CSMD1: variants seen among roughly 807,000 people sequenced by gnomAD.
The protein encoded by CSMD1 is CUB and Sushi multiple domains 1.
A neutral mutation model predicts 417.5 loss-of-function variants in CSMD1; 213 were observed. The observed-to-expected ratio is 0.51, with a 90% CI of 0.46 to 0.57. The LOEUF (loss-of-function observed/expected upper bound fraction) is 0.57, where lower values mean the gene tolerates loss of function less well. CSMD1 is among the 20% of genes least tolerant of loss of function. The pLI is 0.00. For synonymous variants in CSMD1, 2,862 were observed against 1,736.8 expected (o/e 1.65, Z -16.11); for missense variants, 6,923 against 4,529.7 (o/e 1.53, Z -15.17).
chr8:4,821,300 T>C (rs926336016), intron 1 of CSMD1, among the ~76,000 whole-genome samples: 6 of 152,186 alleles, frequency 3.9e-5, no homozygotes, highest in Non-Finnish European at 7.4e-5. Flanking sequence ...CATGTGCCAG[T>C]ATAATCCAAT....
intron 23 of CSMD1, among the ~76,000 whole-genome samples, chr8:3,322,745 C>T (rs566132351): frequency 1.3e-5 from 2 of 152,336 alleles, no homozygotes; most frequent in East Asian, 3.9e-4. Flanking sequence ...CAGGGCATAT[C>T]ACGAGTACCC....
chr8:3,206,688 G>T (rs1563142475), intron 30 of CSMD1, among the ~76,000 whole-genome samples: 1 of 149,692 alleles, frequency 6.7e-6, no homozygotes, highest in Non-Finnish European at 1.5e-5. Context: ...GTGTGTATAT[G>T]TGTGTGTGGG....
chr8:4,257,918 C>A (rs1246971688), intron 3 of CSMD1, among the ~76,000 whole-genome samples: 1 of 152,196 alleles, frequency 6.6e-6, no homozygotes, highest in East Asian at 1.9e-4. Context: ...ACAACCACCA[C>A]TTTAAAAATA....
chr8:4,798,442 G>A (rs144735678), intron 1 of CSMD1, among the ~76,000 whole-genome samples: 1 of 152,096 alleles, frequency 6.6e-6, no homozygotes, highest in Non-Finnish European at 1.5e-5. Flanking sequence ...TTTTTAAAAA[G>A]GAGATGAGAT....
rs191298765 is a variant in CSMD1, at chr8:3,111,029, G to C, written c.6431-694C>G. ...CACTAATGGAATAACCTGAAATATA[G>C]TCTTTAATTTAAATATTCATATAGT... On this transcript the variant is annotated intron_variant, in intron 42 of 69. Coordinates refer to ENST00000635120, the MANE Select transcript of CSMD1 (RefSeq NM_033225.6). Among the ~76,000 whole-genome samples, 247 of 152,202 alleles carry C rather than the reference G, an allele frequency of 1.6e-3. 1 individual carries two copies. Among genetic ancestry groups the C allele is most frequent in the African/African-American group, 5.7e-3 (237 of 41,536 alleles).
At chr8:4,757,300 C>G (rs1463710498) in intron 1 of CSMD1, among the ~76,000 whole-genome samples, 1 of 152,164 alleles carries the variant, frequency 6.6e-6, no homozygotes, top group Non-Finnish European at 1.5e-5. Context: ...ATATACGTGA[C>G]TAATCATAAC....
intron 2 of CSMD1, among the ~76,000 whole-genome samples, chr8:4,497,877 G>A (rs571547266): frequency 6.6e-6 from 1 of 152,234 alleles, no homozygotes; most frequent in South Asian, 2.1e-4. Flanking sequence ...GAAATGCTCA[G>A]GCATCCTGTT....
intron 10 of CSMD1, among the ~76,000 whole-genome samples, chr8:3,504,308 G>C (rs1796733570): frequency 6.6e-6 from 1 of 152,046 alleles, no homozygotes; most frequent in South Asian, 2.1e-4. Flanking sequence ...AGAGAGTCTG[G>C]GCTTTGCTGC....
intron 5 of CSMD1, among the ~76,000 whole-genome samples, chr8:3,830,558 C>T (rs10103977): frequency 6.6e-6 from 1 of 152,106 alleles, no homozygotes; most frequent in African/African-American, 2.4e-5. Context: ...CATGTAGAAA[C>T]CCTCCAATAA....
chr8:4,089,884 G>C (rs1336398587), intron 3 of CSMD1, among the ~76,000 whole-genome samples: 1 of 152,152 alleles, frequency 6.6e-6, no homozygotes, highest in African/African-American at 2.4e-5. Flanking sequence ...TACCTGCAGA[G>C]CTGTGGGGTC....
chr8:3,130,384 C>T lies in CSMD1; in HGVS notation c.6242-11797G>A, dbSNP rs188571492. On this transcript the variant is annotated intron_variant, in intron 41 of 69. Coordinates refer to ENST00000635120, the MANE Select transcript of CSMD1 (RefSeq NM_033225.6). The stretch of plus-strand genomic sequence containing the variant: ...AGGTGTGTTGGAGCTGAAAGCCTCC[C>T]GCCCCCAATTCCTGGAAGCCTCTTC... 3.8e-3 allele frequency among the ~76,000 whole-genome samples: 585 copies of T among 152,178 alleles called. 4 individuals are homozygous for T. The highest frequency in any genetic ancestry group is 4.8e-3 in the Non-Finnish European group (324 of 68,014).
At chr8:4,709,599 CA>C (rs956304462) in intron 1 of CSMD1, among the ~76,000 whole-genome samples, 1 of 152,140 alleles carries the variant, frequency 6.6e-6, no homozygotes, top group African/African-American at 2.4e-5. Flanking sequence ...AGAAGCTGTC[CA>C]AAGGCAAGAA....
intron 52 of CSMD1, among the ~76,000 whole-genome samples, chr8:3,013,273 G>A (rs375863562): frequency 5.9e-5 from 9 of 152,128 alleles, no homozygotes; most frequent in East Asian, 5.8e-4. Flanking sequence ...CCACCCACAT[G>A]TTCCTGATTA....
chr8:3,782,931 T>C (rs1799258893), intron 5 of CSMD1, among the ~76,000 whole-genome samples: 1 of 152,186 alleles, frequency 6.6e-6, no homozygotes, highest in Non-Finnish European at 1.5e-5. Flanking sequence ...TAAAAATACA[T>C]GGCAAGAGAT....
chr8:3,357,744 C>T (rs928098030), intron 21 of CSMD1, among the ~76,000 whole-genome samples: 1 of 152,082 alleles, frequency 6.6e-6, no homozygotes, highest in African/African-American at 2.4e-5. Context: ...CTGGGAACTC[C>T]TATGATCACC....
intron 3 of CSMD1, among the ~76,000 whole-genome samples, chr8:4,344,588 A>G (rs1016575563): frequency 1.1e-4 from 16 of 151,428 alleles, no homozygotes; most frequent in African/African-American, 3.6e-4. Flanking sequence ...ATATATGACA[A>G]TGACTCGCTG....
At chr8:4,431,800 T>C (rs1797886547) in intron 2 of CSMD1, among the ~76,000 whole-genome samples, 1 of 152,156 alleles carries the variant, frequency 6.6e-6, no homozygotes, top group African/African-American at 2.4e-5. Context: ...AAATGCTTAA[T>C]AAGTTGGTAA....
At chr8:3,798,056 T>A (rs1023225926) in intron 5 of CSMD1, among the ~76,000 whole-genome samples, 2 of 152,018 alleles carry the variant, frequency 1.3e-5, no homozygotes, top group African/African-American at 4.8e-5. Flanking sequence ...TATTTCTTCT[T>A]AATAATCCAT....
intron 5 of CSMD1, among the ~76,000 whole-genome samples, chr8:3,771,185 A>G (rs1001781599): frequency 6.6e-6 from 1 of 152,124 alleles, no homozygotes; most frequent in Non-Finnish European, 1.5e-5. Context: ...CTTTGGGGAA[A>G]AACGATGACT....
Sources: gnomAD v4.1 joint callset for allele counts (sites outside exome capture counted in the v4.1 genomes callset) on GRCh38, gnomAD v4.1.1 for gene constraint, MANE v1.5 for transcripts, NCBI Gene and HGNC (gene_info 2026-07-23, HGNC 2026-07-21) for gene names.